Variants in CMIP observed in about 807,000 individuals in gnomAD.
The protein encoded by CMIP is c-Maf inducing protein.
A neutral mutation model predicts 97.3 loss-of-function variants in CMIP; 13 were observed. That is an observed-to-expected ratio of 0.13 (90% CI 0.09 to 0.21). CMIP has a LOEUF of 0.21. CMIP is among the 10% of genes least tolerant of loss of function. The pLI is 1.00. For synonymous variants in CMIP, 538 were observed against 436.3 expected (o/e 1.23, Z -2.91); for missense variants, 847 against 1,024.9 (o/e 0.83, Z 2.37).
chr16:81,497,647 G>C (rs961658937), intron 1 of CMIP, among the ~76,000 whole-genome samples: 9 of 152,352 alleles, frequency 5.9e-5, no homozygotes, highest in African/African-American at 2.2e-4. Context: ...CTGGGCCTGG[G>C]CAGCCGAGGT....
intron 1 of CMIP, among the ~76,000 whole-genome samples, chr16:81,531,938 C>G (rs1367519371): frequency 6.6e-6 from 1 of 152,214 alleles, no homozygotes; most frequent in East Asian, 1.9e-4. Flanking sequence ...TTTGGTTTGT[C>G]TTCTAAATGA....
At chr16:81,489,016 C>A (rs1245176526) in intron 1 of CMIP, among the ~76,000 whole-genome samples, 1 of 150,686 alleles carries the variant, frequency 6.6e-6, no homozygotes, top group African/African-American at 2.5e-5. Context: ...TTTCTGCTTT[C>A]ATTCATTCTA....
chr16:81,528,803 C>T (rs905567215), intron 1 of CMIP, among the ~76,000 whole-genome samples: 5 of 152,144 alleles, frequency 3.3e-5, no homozygotes, highest in African/African-American at 1.2e-4. Context: ...GCCTGCTCGC[C>T]CTGCTTTACT....
intron 9 of CMIP, 32 bp from the exon 10 acceptor site, chr16:81,678,243 A>C (rs943456871): frequency 7.3e-6 from 11 of 1,513,802 alleles, no homozygotes; most frequent in Non-Finnish European, 8.9e-6. Context: ...CGGTGCCTGT[A>C]CTCATGTGCC....
At chr16:81,450,373 CA>C (rs1488569550) in intron 1 of CMIP, among the ~76,000 whole-genome samples, 2 of 152,150 alleles carry the variant, frequency 1.3e-5, no homozygotes, top group African/African-American at 2.4e-5. Flanking sequence ...TTGAAGGGTG[CA>C]GTTTCCTGGC....
chr16:81,705,361 C>A (rs1236669778), intron 18 of CMIP, 138 bp from the exon 19 acceptor site: 4 of 619,634 alleles, frequency 6.5e-6, no homozygotes, highest in East Asian at 5.6e-5. Context: ...TGAACGCAGC[C>A]CAGACCCCAG....
At chr16:81,470,745 A>G (rs957807552) in intron 1 of CMIP, among the ~76,000 whole-genome samples, 5 of 152,258 alleles carry the variant, frequency 3.3e-5, no homozygotes, top group Non-Finnish European at 5.9e-5. Context: ...AGCATGAGCC[A>G]CTGTGCCCAG....
chr16:81,601,219 G>A (rs1276032661), intron 1 of CMIP, among the ~76,000 whole-genome samples: 1 of 152,198 alleles, frequency 6.6e-6, no homozygotes, highest in Non-Finnish European at 1.5e-5. Context: ...GCTTCTTTTG[G>A]GGTCCGGGAG....
chr16:81,515,303 C>G (rs1217520332), intron 1 of CMIP, among the ~76,000 whole-genome samples: 1 of 152,348 alleles, frequency 6.6e-6, no homozygotes, highest in Non-Finnish European at 1.5e-5. Flanking sequence ...CTGAAAGGAA[C>G]ACCTTGGCCT....
intron 18 of CMIP, 96 bp from the exon 19 acceptor site, chr16:81,705,403 C>T: frequency 1.1e-6 from 1 of 889,188 alleles, no homozygotes; most frequent in Non-Finnish European, 1.8e-6. Context: ...CAGAGCCAGG[C>T]TCTGTCCCCA....
intron 1 of CMIP, among the ~76,000 whole-genome samples, chr16:81,471,007 C>A (rs1018852113): frequency 2.6e-5 from 4 of 151,802 alleles, no homozygotes; most frequent in African/African-American, 4.8e-5. Flanking sequence ...TGCACACAGG[C>A]ACACATGTGC....
intron 9 of CMIP, among the ~76,000 whole-genome samples, chr16:81,673,959 C>T (rs2092705900): frequency 6.6e-6 from 1 of 152,188 alleles, no homozygotes; most frequent in Admixed American, 6.5e-5. Context: ...CATTCTGAGT[C>T]GCTGAAAACC....
intron 1 of CMIP, among the ~76,000 whole-genome samples, chr16:81,538,556 G>C (rs1444617620): frequency 2.0e-5 from 3 of 152,218 alleles, no homozygotes; most frequent in Non-Finnish European, 4.4e-5. Context: ...GCCTGGTTTT[G>C]ATAGGAAGTT....
intron 3 of CMIP, among the ~76,000 whole-genome samples, chr16:81,628,326 C>G (rs938033111): frequency 6.6e-6 from 1 of 152,174 alleles, no homozygotes; most frequent in Non-Finnish European, 1.5e-5. Flanking sequence ...CTCACATCCC[C>G]CAAGTCGTCA....
chr16:81,573,193 C>T (rs1051891105), intron 1 of CMIP, among the ~76,000 whole-genome samples: 1 of 151,980 alleles, frequency 6.6e-6, no homozygotes, highest in South Asian at 2.1e-4. Flanking sequence ...AAAATACAAA[C>T]GTTAGCCGGG....
intron 7 of CMIP, chr16:81,666,184 C>G: frequency 6.6e-6 from 1 of 152,188 alleles, no homozygotes; most frequent in Non-Finnish European, 1.5e-5. Context: ...TGTTTGTTAA[C>G]TTTAAAATCA....
In CMIP at chr16:81,621,020, A is replaced by G; in HGVS notation, c.477+94A>G. On this transcript the variant is annotated intron_variant, in intron 3 of 20. Transcript: ENST00000537098. This position sits in a 1 kb window ranked among gnomAD's most constrained non-coding sequence, Gnocchi z 4.1. ...TCACCCAGAGGCATGAAAGTGGAGA[A>G]CTCATGCCTTCCAGATGGCTCAGCT... The G allele has an allele frequency of 7.3e-6, 11 of 1,497,494 alleles. No homozygotes were observed. Among genetic ancestry groups the G allele is most frequent in the Non-Finnish European group, 1.0e-5 (11 of 1,085,208 alleles). 92.8% of individuals were successfully genotyped at this position (1,497,494 alleles called of 1,614,324 possible). A position where few individuals can be genotyped will look rare whatever the true frequency, so the allele number is the denominator to read the frequency against.
chr16:81,452,424 G>C (rs1906273882), intron 1 of CMIP, among the ~76,000 whole-genome samples: 1 of 152,160 alleles, frequency 6.6e-6, no homozygotes, highest in South Asian at 2.1e-4. Context: ...CTAGGCACTC[G>C]GAAGAAAACA....
At chr16:81,588,982 T>G (rs1414509607) in intron 1 of CMIP, among the ~76,000 whole-genome samples, 1 of 152,114 alleles carries the variant, frequency 6.6e-6, no homozygotes, top group East Asian at 1.9e-4. Context: ...GGTTTTCTGT[T>G]CTCAAAGCTG....
Sources: gnomAD v4.1 joint callset for allele counts (sites outside exome capture counted in the v4.1 genomes callset) on GRCh38, gnomAD v4.1.1 for gene constraint, Gnocchi (gnomAD v3.1) non-coding constraint, MANE v1.5 for transcripts, NCBI Gene and HGNC (gene_info 2026-07-23, HGNC 2026-07-21) for gene names.